Variants in PPP1R12B observed in about 807,000 individuals in gnomAD.
PPP1R12B encodes myosin phosphatase target subunit 2.
In PPP1R12B, 76 loss-of-function variants were observed where a neutral mutation model predicts 126.1. The ratio of observed to expected loss-of-function variants is 0.60; its 90% CI spans 0.50 to 0.73. The LOEUF (loss-of-function observed/expected upper bound fraction) is 0.73. PPP1R12B is among the 30% of genes least tolerant of loss of function. PPP1R12B has a pLI of 0.00. For synonymous variants in PPP1R12B, 356 were observed against 434.7 expected (o/e 0.82, Z 2.25); for missense variants, 1,052 against 1,205.1 (o/e 0.87, Z 1.88).
At chr1:202,381,406 G>GTATA (rs796804138) in intron 1 of PPP1R12B, among the ~76,000 whole-genome samples, 3 of 136,376 alleles carry the variant, frequency 2.2e-5, no homozygotes, top group South Asian at 2.3e-4. Context: ...GGGTGTGTGT[G>GTATA]TGTGTGTGTG....
intron 1 of PPP1R12B, among the ~76,000 whole-genome samples, chr1:202,361,487 A>G (rs1030318974): frequency 6.6e-6 from 1 of 152,154 alleles, no homozygotes; most frequent in Non-Finnish European, 1.5e-5. Context: ...GAACTCACTC[A>G]TTGCCATGGA....
rs1687299288 is a variant in PPP1R12B at position 202,559,462 on chromosome 1, G to A, written c.2507+569G>A. Among the ~76,000 whole-genome samples the A allele has an allele frequency of 4.6e-5, 7 of 152,154 alleles. No individual in the cohort carries two copies. In the South Asian group the frequency reaches 1.4e-3, roughly 31 times the overall value. Reference sequence around the variant, plus strand: ...ACTAAAGACCTGTTTTGCAATTGCTGAAAAATTAAAGAAGGATATCAAAAT... The same window carrying A: ...ACTAAAGACCTGTTTTGCAATTGCTAAAAAATTAAAGAAGGATATCAAAAT... On this transcript the variant is annotated intron_variant, in intron 19 of 23. Transcript: ENST00000608999.
chr1:202,583,465 T>C lies in PPP1R12B; in HGVS notation c.*2905T>C, dbSNP rs1689657095. The C allele has an allele frequency of 6.6e-6, 1 of 152,256 alleles. No homozygotes were observed. Among genetic ancestry groups the C allele is most frequent in the Non-Finnish European group, 1.5e-5 (1 of 68,036 alleles). 9.4% of individuals were successfully genotyped at this position (152,256 alleles called of 1,614,324 possible). On this transcript the variant is annotated 3_prime_UTR_variant, in exon 24 of 24. Coordinates refer to ENST00000608999, the MANE Select transcript of PPP1R12B (RefSeq NM_002481.4). ...TCAATCTCAGGAATACTGGATTCTATAGCCAAGAACTCATGAAAGTAAGTG... is the reference window on the plus strand; with the variant it reads ...TCAATCTCAGGAATACTGGATTCTACAGCCAAGAACTCATGAAAGTAAGTG...
chr1:202,493,302 G>A lies in PPP1R12B; in HGVS notation c.2130G>A (p.Arg710=). ...EAGEGQQPWG[R]SLDEEPICHR... ...GGGAGGGCCAGCAGCCCTGGGGCAG[G>A]AGTCTGGATGAAGAGGTGAGCTCAT... The change falls in exon 15 of 24, where the codon AGG becomes AGA. Residue 710 remains arginine, a synonymous_variant. Transcript: ENST00000608999. 1.2e-6 allele frequency: 2 copies of A among 1,612,148 alleles called. No individual in the cohort carries two copies. The highest frequency in any genetic ancestry group is 1.7e-6 in the Non-Finnish European group (2 of 1,179,714).
chr1:202,541,784 C>T (rs1240819549), intron 18 of PPP1R12B, among the ~76,000 whole-genome samples: 1 of 152,156 alleles, frequency 6.6e-6, no homozygotes, highest in Non-Finnish European at 1.5e-5. Context: ...CTGCTTTCGT[C>T]TTGTCTCACT....
At chr1:202,578,622 G>C (rs1274108223) in intron 23 of PPP1R12B, among the ~76,000 whole-genome samples, 1 of 152,208 alleles carries the variant, frequency 6.6e-6, no homozygotes, top group East Asian at 1.9e-4. Context: ...AAAGTTTGCA[G>C]ATTATTTGCC....
intron 18 of PPP1R12B, among the ~76,000 whole-genome samples, chr1:202,504,834 C>T (rs1680641178): frequency 6.6e-6 from 1 of 152,286 alleles, no homozygotes; most frequent in East Asian, 1.9e-4. Context: ...GTTTCCTCAT[C>T]TGTAAAGTAG....
chr1:202,451,841 G>T (rs1275824168), intron 13 of PPP1R12B, among the ~76,000 whole-genome samples: 3 of 151,504 alleles, frequency 2.0e-5, no homozygotes, highest in East Asian at 2.0e-4. Context: ...CTGGCCTGGT[G>T]GGGGCTGACC....
At chr1:202,433,529 T>C (rs1233168090) in intron 8 of PPP1R12B, among the ~76,000 whole-genome samples, 2 of 152,222 alleles carry the variant, frequency 1.3e-5, no homozygotes, top group East Asian at 3.8e-4. Context: ...TTTCATAATC[T>C]AGCTCTAGCT....
intron 21 of PPP1R12B, among the ~76,000 whole-genome samples, chr1:202,566,846 A>G (rs1247992555): frequency 6.6e-6 from 1 of 152,142 alleles, no homozygotes; most frequent in South Asian, 2.1e-4. Context: ...AGACCAGCAT[A>G]ATTTCTATAT....
At chr1:202,385,689 T>G (rs1662998700) in intron 1 of PPP1R12B, among the ~76,000 whole-genome samples, 1 of 152,210 alleles carries the variant, frequency 6.6e-6, no homozygotes, top group South Asian at 2.1e-4. Flanking sequence ...TGAAGTGAGT[T>G]GTGCAAGGGC....
chr1:202,419,669 G>C lies in PPP1R12B; in HGVS notation c.422+2752G>C, dbSNP rs1296424870. On this transcript the variant is annotated intron_variant, in intron 2 of 23. Transcript: ENST00000608999. The surrounding 1 kb of genome is among the most constrained non-coding windows in gnomAD (Gnocchi z 4.6). ...GATGGAATAGATGTCAGAGTAGAGT[G>C]GTTAAGATATTTCATGTAATTCAAG... Among the ~76,000 whole-genome samples, 4 of 152,178 alleles carry C rather than the reference G, an allele frequency of 2.6e-5. No individual in the cohort carries two copies. Among genetic ancestry groups the C allele is most frequent in the Admixed American group, 1.3e-4 (2 of 15,290 alleles).
rs192648949 is a variant in PPP1R12B at position 202,393,376 on chromosome 1, C to T, written c.292-23411C>T. On this transcript the variant is annotated intron_variant, in intron 1 of 23. Transcript: ENST00000608999. Reference sequence around the variant, plus strand: ...CAGATTTCATTGTTAATTAGCAAAACGCAAATCGAAACAGTGTTTTTTTTT... The same window carrying T: ...CAGATTTCATTGTTAATTAGCAAAATGCAAATCGAAACAGTGTTTTTTTTT... 2.1e-4 allele frequency among the ~76,000 whole-genome samples: 31 copies of T among 150,890 alleles called. 1 individual carries two copies. The East Asian group carries it at 4.5e-3, about 22-fold the overall frequency.
chr1:202,577,462 A>G (rs927647126), intron 23 of PPP1R12B, among the ~76,000 whole-genome samples: 1 of 152,086 alleles, frequency 6.6e-6, no homozygotes, highest in African/African-American at 2.4e-5. Flanking sequence ...AAACCCTAAG[A>G]TACTTATTGT....
intron 13 of PPP1R12B, among the ~76,000 whole-genome samples, chr1:202,465,243 A>G (rs1674825211): frequency 2.0e-5 from 3 of 152,220 alleles, no homozygotes; most frequent in Admixed American, 2.0e-4. Flanking sequence ...TTGGACTTTG[A>G]GGCCCATGCT....
At chr1:202,530,964 T>C (rs996011675) in intron 18 of PPP1R12B, among the ~76,000 whole-genome samples, 13 of 152,224 alleles carry the variant, frequency 8.5e-5, no homozygotes, top group African/African-American at 3.1e-4. Flanking sequence ...ATGATTCATT[T>C]TGTGGTAAAG....
chr1:202,431,691 C>CATCTTCTCT (rs1670205095), intron 8 of PPP1R12B, 72 bp downstream of exon 8: 1 of 1,422,632 alleles, frequency 7.0e-7, no homozygotes, highest in Non-Finnish European at 9.4e-7. Context: ...TGTCAGAGAG[C>CATCTTCTCT]TAGCCAGGCC....
intron 3 of PPP1R12B, among the ~76,000 whole-genome samples, chr1:202,424,164 C>G (rs930804705): frequency 6.6e-6 from 1 of 152,126 alleles, no homozygotes; most frequent in Admixed American, 6.5e-5. Context: ...AATGAGGGAA[C>G]ATACTCTGTT....
intron 1 of PPP1R12B, among the ~76,000 whole-genome samples, chr1:202,398,265 C>T (rs1028116365): frequency 2.6e-5 from 4 of 152,266 alleles, no homozygotes; most frequent in East Asian, 3.9e-4. Flanking sequence ...GAAGCAAAAA[C>T]GAAAACCCAA....
Sources: allele counts gnomAD v4.1 joint callset (sites outside exome capture counted in the v4.1 genomes callset), GRCh38; gene constraint gnomAD v4.1.1; non-coding constraint Gnocchi (gnomAD v3.1); transcripts MANE v1.5; gene names NCBI Gene and HGNC (gene_info 2026-07-23, HGNC 2026-07-21).